The following ANKRD26 variants were observed in gnomAD, a reference collection of about 807,000 sequenced individuals.
The protein encoded by ANKRD26 is ankyrin repeat domain-containing protein 26.
A neutral mutation model predicts 208.7 loss-of-function variants in ANKRD26; 141 were observed. That is an observed-to-expected ratio of 0.68 (90% CI 0.59 to 0.78). ANKRD26 has a LOEUF of 0.78. ANKRD26 is among the 30% of genes least tolerant of loss of function. ANKRD26 has a pLI of 0.00. For synonymous variants in ANKRD26, 636 were observed against 660.4 expected (o/e 0.96, Z 0.57); for missense variants, 1,889 against 1,938.7 (o/e 0.97, Z 0.48).
intron 20 of ANKRD26, among the ~76,000 whole-genome samples, chr10:27,041,748 C>A (rs1411292568): frequency 1.3e-5 from 2 of 151,834 alleles, no homozygotes; most frequent in Non-Finnish European, 2.9e-5. Context: ...AAAATCCAAG[C>A]AGCTAATATA....
intron 12 of ANKRD26, among the ~76,000 whole-genome samples, chr10:27,062,768 TTC>T (rs2055104891): frequency 6.6e-6 from 1 of 151,216 alleles, no homozygotes; most frequent in African/African-American, 2.5e-5. Flanking sequence ...CTTTCTTTCT[TTC>T]TTTTTTTTTT....
exon 6 of ANKRD26, among the ~76,000 whole-genome samples, chr10:26,974,820 A>C (rs893634421): frequency 3.3e-5 from 5 of 152,188 alleles, no homozygotes; most frequent in Admixed American, 3.3e-4. Flanking sequence ...AGCGTTCTGA[A>C]GATATCGTTC....
Position 27,060,542 on chromosome 10 carries a change from T to C in ANKRD26, c.1463-2A>G. On this transcript the variant is annotated splice_acceptor_variant, in intron 13 of 33. Coordinates refer to ENST00000376087, the MANE Select transcript of ANKRD26 (RefSeq NM_014915.3). LOFTEE classifies it high-confidence loss of function. ...AGTGAAGATATCTCTCAGGAGACTC[T>C]AAAAACCAAAAGGGACATATAATCA... The C allele has an allele frequency of 6.5e-7, 1 of 1,527,864 alleles. No homozygotes were observed. 94.6% of individuals were successfully genotyped at this position (1,527,864 alleles called of 1,614,324 possible). A position where few individuals can be genotyped will look rare whatever the true frequency, so the allele number is the denominator to read the frequency against.
chr10:27,009,161 T>C (rs2053003601), intron 32 of ANKRD26, among the ~76,000 whole-genome samples: 1 of 151,944 alleles, frequency 6.6e-6, no homozygotes, highest in Non-Finnish European at 1.5e-5. Flanking sequence ...TTTTACCACA[T>C]AAATGACAGC....
chr10:27,010,323 C>A (rs777947958), intron 32 of ANKRD26, among the ~76,000 whole-genome samples: 12 of 152,206 alleles, frequency 7.9e-5, no homozygotes, highest in Middle Eastern at 3.4e-3. Flanking sequence ...CCTCCTTGCT[C>A]CCCAAAAAAA....
chr10:26,986,901 A>G (rs993918765), intron 3 of ANKRD26, among the ~76,000 whole-genome samples: 1 of 152,244 alleles, frequency 6.6e-6, no homozygotes, highest in Non-Finnish European at 1.5e-5. Context: ...AACTAGAAAC[A>G]CCATTTGACC....
At chr10:27,075,876 A>T (rs892057264) in intron 9 of ANKRD26, among the ~76,000 whole-genome samples, 4 of 152,208 alleles carry the variant, frequency 2.6e-5, no homozygotes, top group African/African-American at 4.8e-5. Flanking sequence ...AATAAATTTT[A>T]AAAAACTGAA....
chr10:27,005,401 T>C lies in ANKRD26; in HGVS notation c.*189A>G, dbSNP rs2052836986. The C allele has an allele frequency of 2.2e-6, 3 of 1,333,906 alleles. No homozygotes were observed. The highest frequency in any genetic ancestry group is 2.9e-6 in the Non-Finnish European group (3 of 1,043,150). 82.6% of individuals were successfully genotyped at this position (1,333,906 alleles called of 1,614,324 possible). A position where few individuals can be genotyped will look rare whatever the true frequency, so the allele number is the denominator to read the frequency against. On this transcript the variant is annotated 3_prime_UTR_variant, in exon 34 of 34. Transcript: ENST00000376087. ...TTGAGTATGTAAAACTCAATATTCC[T>C]GGTTTTCATTGGCAAAATCCACTTA...
At chr10:27,034,716 A>G in intron 24 of ANKRD26, 80 bp downstream of exon 24, 1 of 881,732 alleles carries the variant, frequency 1.1e-6, no homozygotes, top group Non-Finnish European at 1.7e-6. Context: ...ATTTATTTTT[A>G]TAGTTAACTA....
the ANKRD26 span, among the ~76,000 whole-genome samples, chr10:26,957,429 G>T: frequency 3.3e-5 from 5 of 152,072 alleles, no homozygotes; most frequent in Admixed American, 6.6e-5. Flanking sequence ...AAGACGAATA[G>T]ATTATAATTA....
chr10:27,017,289 A>C (rs2053328388), intron 30 of ANKRD26, among the ~76,000 whole-genome samples: 1 of 152,206 alleles, frequency 6.6e-6, no homozygotes, highest in African/African-American at 2.4e-5. Flanking sequence ...ATAGTCAAAT[A>C]ATTCTCTGAT....
intron 20 of ANKRD26, among the ~76,000 whole-genome samples, chr10:27,042,313 C>T (rs564144919): frequency 3.3e-5 from 5 of 152,302 alleles, no homozygotes; most frequent in Admixed American, 1.3e-4. Context: ...GGATCACACA[C>T]CTAAATGTAA....
downstream of ANKRD26, among the ~76,000 whole-genome samples, chr10:26,999,893 C>T (rs886271555): frequency 2.7e-5 from 4 of 149,862 alleles, no homozygotes; most frequent in African/African-American, 9.8e-5. Context: ...AATGATCACA[C>T]AAATTATACA....
downstream of ANKRD26, among the ~76,000 whole-genome samples, chr10:26,991,439 ATTT>A (rs111848601): frequency 0.032 from 4,669 of 146,272 alleles, 180 homozygotes; most frequent in African/African-American, 0.09. Flanking sequence ...AAGGAAGGTA[ATTT>A]TTTTTTTTTT....
In ANKRD26 at chr10:27,055,946, T is replaced by C. The variant is rs139151054; in HGVS notation, c.1565-2556A>G. On this transcript the variant is annotated intron_variant, in intron 15 of 33. Transcript: ENST00000376087. Reference sequence around the variant, plus strand: ...CTTGAGTAGGCAATCTTTAGATCTCTACCTAGTTTTCCATCCAGTCCCAAA... The same window carrying C: ...CTTGAGTAGGCAATCTTTAGATCTCCACCTAGTTTTCCATCCAGTCCCAAA... Among the ~76,000 whole-genome samples the C allele has an allele frequency of 2.0e-3, 306 of 152,326 alleles. 2 individuals carry two copies. Among genetic ancestry groups the C allele is most frequent in the Middle Eastern group, 6.8e-3 (2 of 294 alleles).
intron 23 of ANKRD26, among the ~76,000 whole-genome samples, chr10:27,036,800 T>C (rs1020041522): frequency 6.6e-6 from 1 of 152,154 alleles, no homozygotes; most frequent in Non-Finnish European, 1.5e-5. Context: ...TCCTTTCCTA[T>C]GGGTAGAAGC....
chr10:27,077,479 G>A lies in ANKRD26; in HGVS notation c.936C>T (p.Ser312=), dbSNP rs770877386. ...CAACCACAACTTCATCTTGACTATC[G>A]GAATCTCTATCCTCAAACAAAGTTC... ...GNRTLFEDRD[S]DSQDEVVVES... is the part of the protein sequence containing the mutation. The change falls in exon 9 of 34, where the codon TCC becomes TCT. Residue 312 remains serine, a synonymous_variant. Transcript: ENST00000376087. The A allele has an allele frequency of 6.4e-5, 103 of 1,613,758 alleles. No homozygotes were observed. The Middle Eastern group carries it at 6.6e-4, about 10-fold the overall frequency.
At chr10:26,954,011 C>A in the ANKRD26 span, among the ~76,000 whole-genome samples, 1 of 152,164 alleles carries the variant, frequency 6.6e-6, no homozygotes, top group Admixed American at 6.5e-5. Flanking sequence ...AGAGGCTCTC[C>A]TACAAAACAA....
chr10:27,094,401 GA>G (rs1309949127), intron 1 of ANKRD26, among the ~76,000 whole-genome samples: 1 of 152,152 alleles, frequency 6.6e-6, no homozygotes, highest in Non-Finnish European at 1.5e-5. Context: ...TATCTGAATA[GA>G]AAAGGCTTGA....
Sources: gnomAD v4.1 joint callset for allele counts (sites outside exome capture counted in the v4.1 genomes callset) on GRCh38, gnomAD v4.1.1 for gene constraint, MANE v1.5 for transcripts, NCBI Gene and HGNC (gene_info 2026-07-23, HGNC 2026-07-21) for gene names.